The following MSI2 variants were observed in gnomAD, a reference collection of about 807,000 sequenced individuals.
The protein encoded by MSI2 is RNA-binding protein Musashi homolog 2.
In MSI2, 17 loss-of-function variants were observed where a neutral mutation model predicts 45.6. The observed-to-expected ratio is 0.37, with a 90% CI of 0.26 to 0.56. The LOEUF is 0.56. Ranked by LOEUF, MSI2 falls within the 20% of genes least tolerant of loss-of-function variation. The pLI, the probability that MSI2 is intolerant of heterozygous loss-of-function variation, is 0.77. For synonymous variants in MSI2, 156 were observed against 158.2 expected (o/e 0.99, Z 0.11); for missense variants, 293 against 444.2 (o/e 0.66, Z 3.06).
In MSI2 at chr17:57,591,034, C is replaced by T. The variant is rs987446820; in HGVS notation, c.455-5834C>T. Among the ~76,000 whole-genome samples the T allele has an allele frequency of 3.9e-5, 6 of 152,360 alleles. No homozygotes were observed. In the South Asian group the frequency reaches 6.2e-4, roughly 16 times the overall value. On this transcript the variant is annotated intron_variant, in intron 7 of 13. Transcript: ENST00000284073. ...GACTCGCCATAGACTAGAATCCTCA[C>T]TCTGTCAGGGCCTGGAGCAGGATCC...
At chr17:57,402,651 A>T (rs991957949) in intron 6 of MSI2, among the ~76,000 whole-genome samples, 1 of 152,192 alleles carries the variant, frequency 6.6e-6, no homozygotes, top group African/African-American at 2.4e-5. Flanking sequence ...GATGAGGGCC[A>T]TGACCTTTAT....
intron 5 of MSI2, among the ~76,000 whole-genome samples, chr17:57,269,346 C>A (rs1203537801): frequency 2.0e-5 from 3 of 152,066 alleles, no homozygotes; most frequent in Non-Finnish European, 4.4e-5. Context: ...ATGGGGATGC[C>A]CTGTGGAATG....
intron 6 of MSI2, among the ~76,000 whole-genome samples, chr17:57,408,786 G>C (rs1479199188): frequency 6.6e-6 from 1 of 152,134 alleles, no homozygotes; most frequent in Non-Finnish European, 1.5e-5. Context: ...TGGGTGCAAG[G>C]GGTGGTTCTT....
intron 7 of MSI2, among the ~76,000 whole-genome samples, chr17:57,538,394 G>A (rs2086968596): frequency 6.6e-6 from 1 of 152,190 alleles, no homozygotes; most frequent in Admixed American, 6.5e-5. Context: ...CTGTATATCA[G>A]CATGGTATGC....
intron 5 of MSI2, among the ~76,000 whole-genome samples, chr17:57,323,557 C>T (rs1243635371): frequency 6.6e-6 from 1 of 152,250 alleles, no homozygotes; most frequent in African/African-American, 2.4e-5. Flanking sequence ...ACAGGTGCTC[C>T]TGCGTCCCTG....
chr17:57,583,488 C>CTTTTTTTTTTTT (rs5821192), intron 7 of MSI2, among the ~76,000 whole-genome samples: 19 of 98,036 alleles, frequency 1.9e-4, no homozygotes, highest in African/African-American at 4.7e-4. Context: ...CCCAATGTTT[C>CTTTTTTTTTTTT]TTTTTTTTTT....
chr17:57,463,410 G>C (rs997701103), intron 6 of MSI2, among the ~76,000 whole-genome samples: 1 of 152,112 alleles, frequency 6.6e-6, no homozygotes, highest in Non-Finnish European at 1.5e-5. Context: ...GCCACCCCCT[G>C]TCAAGCCAGT....
intron 7 of MSI2, among the ~76,000 whole-genome samples, chr17:57,583,179 T>A (rs1248728715): frequency 2.6e-5 from 4 of 152,232 alleles, no homozygotes; most frequent in Non-Finnish European, 5.9e-5. Context: ...TTCTTTGCAG[T>A]TACCTACTTT....
chr17:57,456,754 T>C (rs1337171610), intron 6 of MSI2, among the ~76,000 whole-genome samples: 1 of 152,224 alleles, frequency 6.6e-6, no homozygotes, highest in African/African-American at 2.4e-5. Flanking sequence ...AAATCTTCAT[T>C]GCAGATGTTG....
intron 8 of MSI2, among the ~76,000 whole-genome samples, chr17:57,602,564 C>G (rs1377075815): frequency 2.6e-5 from 4 of 152,100 alleles, no homozygotes; most frequent in Non-Finnish European, 5.9e-5. Flanking sequence ...CCATGTTGGC[C>G]AGGTGGTCTA....
intron 7 of MSI2, among the ~76,000 whole-genome samples, chr17:57,555,648 C>A (rs1486668675): frequency 6.6e-6 from 1 of 152,206 alleles, no homozygotes; most frequent in Non-Finnish European, 1.5e-5. Context: ...ACACTGACTC[C>A]CCCAGTTACT....
intron 6 of MSI2, among the ~76,000 whole-genome samples, chr17:57,446,874 T>C (rs1335472954): frequency 1.3e-5 from 2 of 152,132 alleles, no homozygotes; most frequent in African/African-American, 2.4e-5. Context: ...GAAATGAACC[T>C]TTTGGGAAGA....
chr17:57,454,233 C>T (rs951149500), intron 6 of MSI2, among the ~76,000 whole-genome samples: 3 of 152,158 alleles, frequency 2.0e-5, no homozygotes, highest in Non-Finnish European at 1.5e-5. Flanking sequence ...CCCCCAAAAC[C>T]ACCAGGAACT....
At chr17:57,295,241 G>A (rs187025638) in intron 5 of MSI2, among the ~76,000 whole-genome samples, 41 of 152,232 alleles carry the variant, frequency 2.7e-4, no homozygotes, top group Admixed American at 7.9e-4. Flanking sequence ...GAATTAATAC[G>A]CCTCCTGCCC....
chr17:57,260,390 T>G (rs9891636), intron 4 of MSI2, among the ~76,000 whole-genome samples: 48,080 of 151,968 alleles, frequency 0.32, 8,159 homozygotes, highest in East Asian at 0.49. Context: ...GTACTTCACT[T>G]TCTTCATTGC....
rs141514168 is a variant in MSI2, at chr17:57,631,895, C to T, written c.727+4592C>T. The T allele has an allele frequency of 7.9e-4, 1,269 of 1,596,276 alleles. 11 individuals are homozygous for T. In the African/African-American group the frequency reaches 0.015, roughly 18 times the overall value. On this transcript the variant is annotated intron_variant, in intron 10 of 13. Coordinates refer to ENST00000284073, the MANE Select transcript of MSI2 (RefSeq NM_138962.4). ...TTTCTAGAGAGAGAGGACACAGTCC[C>T]GGCCTGGGCTGCCCCCGCTCCAGTC...
chr17:57,545,275 T>C (rs1397141154), intron 7 of MSI2, among the ~76,000 whole-genome samples: 4 of 152,268 alleles, frequency 2.6e-5, no homozygotes, highest in Admixed American at 6.5e-5. Context: ...CAAAGATTCT[T>C]TGGGCAAAGG....
chr17:57,584,940 C>T (rs2088305739), intron 7 of MSI2, among the ~76,000 whole-genome samples: 1 of 152,044 alleles, frequency 6.6e-6, no homozygotes, highest in South Asian at 2.1e-4. Flanking sequence ...TACTCAGCCT[C>T]CTGAGTAGCT....
chr17:57,377,248 T>C (rs750472061), intron 5 of MSI2, among the ~76,000 whole-genome samples: 5 of 152,154 alleles, frequency 3.3e-5, no homozygotes, highest in Non-Finnish European at 5.9e-5. Flanking sequence ...CTACTTGGGA[T>C]AGTCAGTTCA....
Sources: gnomAD v4.1 joint callset for allele counts (sites outside exome capture counted in the v4.1 genomes callset) on GRCh38, gnomAD v4.1.1 for gene constraint, MANE v1.5 for transcripts, NCBI Gene and HGNC (gene_info 2026-07-23, HGNC 2026-07-21) for gene names.